The following DSCAM variants were observed in gnomAD, a reference collection of about 807,000 sequenced individuals.
DSCAM encodes cell adhesion molecule DSCAM.
In DSCAM, 47 loss-of-function variants were observed where a neutral mutation model predicts 217.7. That is an observed-to-expected ratio of 0.22 (90% CI 0.17 to 0.28). The LOEUF (loss-of-function observed/expected upper bound fraction) is 0.28. Ranked by LOEUF, DSCAM falls within the 10% of genes least tolerant of loss-of-function variation. The pLI is 1.00. For missense variants in DSCAM, 2,080 were observed against 2,618.3 expected (o/e 0.79, Z 4.49); for synonymous variants, 1,056 against 1,015.3 (o/e 1.04, Z -0.76).
At chr21:40,393,684 G>A (rs552704287) in intron 3 of DSCAM, among the ~76,000 whole-genome samples, 13 of 152,212 alleles carry the variant, frequency 8.5e-5, no homozygotes, top group African/African-American at 2.6e-4. Context: ...GCATATATCC[G>A]TCTATGCTTT....
At chr21:40,286,406 G>A (rs551957021) in intron 10 of DSCAM, among the ~76,000 whole-genome samples, 6 of 152,230 alleles carry the variant, frequency 3.9e-5, no homozygotes, top group African/African-American at 1.4e-4. Context: ...CAGGCACGAG[G>A]CTGGCGCAGA....
chr21:40,419,390 C>CAT (rs1284632781), intron 3 of DSCAM, among the ~76,000 whole-genome samples: 1 of 152,114 alleles, frequency 6.6e-6, no homozygotes, highest in Non-Finnish European at 1.5e-5. Context: ...AATTCTGAAA[C>CAT]ATATATCAAA....
chr21:40,093,921 C>G, intron 20 of DSCAM, 47 bp from the exon 21 acceptor site: 1 of 1,578,634 alleles, frequency 6.3e-7, no homozygotes, highest in Non-Finnish European at 8.6e-7. Context: ...AAGCATGTGG[C>G]AAAAATGGAT....
intron 3 of DSCAM, among the ~76,000 whole-genome samples, chr21:40,633,418 C>T (rs150545954): frequency 2.9e-4 from 44 of 152,330 alleles, no homozygotes; most frequent in African/African-American, 1.0e-3. Context: ...GATGGCTATA[C>T]TCTTCGTTCC....
At chr21:40,463,161 C>A (rs535834035) in intron 3 of DSCAM, among the ~76,000 whole-genome samples, 1 of 152,142 alleles carries the variant, frequency 6.6e-6, no homozygotes, top group East Asian at 1.9e-4. Flanking sequence ...CCTTAGGATA[C>A]TAAAATGATG....
intron 16 of DSCAM, among the ~76,000 whole-genome samples, chr21:40,166,542 G>A (rs746737753): frequency 6.6e-6 from 1 of 152,208 alleles, no homozygotes. Flanking sequence ...AATCAACACT[G>A]CTTCCTTACT....
chr21:40,107,172 C>CT (rs1368680924), intron 20 of DSCAM, among the ~76,000 whole-genome samples: 1 of 152,130 alleles, frequency 6.6e-6, no homozygotes, highest in Admixed American at 6.5e-5. Context: ...TACATTGTAT[C>CT]TTTGTTCTTA....
At chr21:40,123,721 C>T (rs922838493) in intron 20 of DSCAM, among the ~76,000 whole-genome samples, 1 of 137,104 alleles carries the variant, frequency 7.3e-6, no homozygotes, top group Non-Finnish European at 1.5e-5. Context: ...GTTTTGCCTG[C>T]TATTCTTTTC....
chr21:40,258,767 T>A (rs2073408229), intron 11 of DSCAM, among the ~76,000 whole-genome samples: 1 of 152,262 alleles, frequency 6.6e-6, no homozygotes, highest in African/African-American at 2.4e-5. Context: ...ACAAGTTACT[T>A]CCTCCTTCTT....
chr21:40,549,112 T>G (rs9978976), intron 3 of DSCAM, among the ~76,000 whole-genome samples: 1 of 151,894 alleles, frequency 6.6e-6, no homozygotes, highest in Non-Finnish European at 1.5e-5. Context: ...GGCTGAGGCG[T>G]GAGGATCACC....
intron 1 of DSCAM, among the ~76,000 whole-genome samples, chr21:40,845,567 C>CTCTCTCTA: frequency 6.7e-6 from 1 of 149,500 alleles, no homozygotes. Flanking sequence ...CTCTCTCTCT[C>CTCTCTCTA]TCTGTCTCTG....
At chr21:40,657,204 C>T (rs970412446) in intron 3 of DSCAM, among the ~76,000 whole-genome samples, 1 of 152,136 alleles carries the variant, frequency 6.6e-6, no homozygotes, top group Admixed American at 6.6e-5. Context: ...GGTAAGGTTG[C>T]CTTACATGAC....
At chr21:40,690,394 A>G (rs565943513) in intron 3 of DSCAM, among the ~76,000 whole-genome samples, 10 of 152,224 alleles carry the variant, frequency 6.6e-5, no homozygotes, top group Non-Finnish European at 1.3e-4. Flanking sequence ...CCTGATATGA[A>G]GTCTCTCTCT....
intron 32 of DSCAM, among the ~76,000 whole-genome samples, chr21:40,025,909 G>A (rs1783090230): frequency 6.7e-6 from 1 of 149,838 alleles, no homozygotes; most frequent in South Asian, 2.1e-4. Flanking sequence ...CTTGCCTTCT[G>A]CTAGCTTTTG....
chr21:40,127,908 G>A (rs116943763), intron 19 of DSCAM, among the ~76,000 whole-genome samples: 1,836 of 152,062 alleles, frequency 0.012, 14 homozygotes, highest in Non-Finnish European at 0.02. Flanking sequence ...CTCCCACCCC[G>A]GGCCCTTGGG....
intron 18 of DSCAM, among the ~76,000 whole-genome samples, chr21:40,137,262 T>TG (rs11300114): frequency 0.24 from 30,979 of 131,790 alleles, 3,591 homozygotes; most frequent in East Asian, 0.29. Context: ...GAATTAACAT[T>TG]GGGGGGGGGG....
intron 1 of DSCAM, among the ~76,000 whole-genome samples, chr21:40,724,742 G>C (rs1170610748): frequency 6.6e-6 from 1 of 152,166 alleles, no homozygotes; most frequent in Non-Finnish European, 1.5e-5. Flanking sequence ...CCAGCATTAA[G>C]TGAAAACACT....
chr21:40,015,093 G>T (rs1278089815), intron 32 of DSCAM, among the ~76,000 whole-genome samples: 1 of 152,162 alleles, frequency 6.6e-6, no homozygotes, highest in Non-Finnish European at 1.5e-5. Context: ...CTCTCGGAAG[G>T]CTTGGCTGCT....
chr21:40,344,978 T>A (rs1280410722), intron 6 of DSCAM, among the ~76,000 whole-genome samples: 1 of 152,220 alleles, frequency 6.6e-6, no homozygotes, highest in Non-Finnish European at 1.5e-5. Flanking sequence ...TTTCTCTCCA[T>A]GCTTCAGATT....
Sources: allele counts gnomAD v4.1 joint callset (sites outside exome capture counted in the v4.1 genomes callset), GRCh38; gene constraint gnomAD v4.1.1; transcripts MANE v1.5; gene names NCBI Gene and HGNC (gene_info 2026-07-23, HGNC 2026-07-21).